RUNX2: variants seen among roughly 807,000 people sequenced by gnomAD.
RUNX2 encodes RUNX family transcription factor 2, also known as runt-related transcription factor 2.
In RUNX2, 10 loss-of-function variants were observed where a neutral mutation model predicts 51.7. The observed-to-expected ratio is 0.19, with a 90% CI of 0.12 to 0.33. The LOEUF (loss-of-function observed/expected upper bound fraction) is 0.33, where lower values mean the gene tolerates loss of function less well. Ranked by LOEUF, RUNX2 falls within the 10% of genes least tolerant of loss-of-function variation. The pLI is 1.00. For missense variants in RUNX2, 562 were observed against 691.3 expected (o/e 0.81, Z 2.10); for synonymous variants, 276 against 273.6 (o/e 1.01, Z -0.09).
At chr6:45,524,439 G>T (rs957507890) in intron 7 of RUNX2, among the ~76,000 whole-genome samples, 1 of 152,072 alleles carries the variant, frequency 6.6e-6, no homozygotes, top group Admixed American at 6.5e-5. Flanking sequence ...CTGTGCTTTT[G>T]TATCTAAAGC....
intron 2 of RUNX2, among the ~76,000 whole-genome samples, chr6:45,392,410 T>A (rs1301276676): frequency 6.6e-6 from 1 of 152,092 alleles, no homozygotes; most frequent in Non-Finnish European, 1.5e-5. Flanking sequence ...CTTGGGAAGC[T>A]GAGGCAGGAG....
At chr6:45,401,184 C>A (rs1797707892) in intron 2 of RUNX2, among the ~76,000 whole-genome samples, 1 of 152,144 alleles carries the variant, frequency 6.6e-6, no homozygotes, top group Admixed American at 6.6e-5. Flanking sequence ...GTGGGTAAAC[C>A]CTGCCAAAAT....
chr6:45,523,143 G>A (rs1032212187), intron 7 of RUNX2, among the ~76,000 whole-genome samples: 11 of 152,066 alleles, frequency 7.2e-5, no homozygotes, highest in Admixed American at 5.2e-4. Context: ...AGGAAAAATA[G>A]GATCACTGAC....
At chr6:45,455,161 G>A (rs1799286084) in intron 5 of RUNX2, among the ~76,000 whole-genome samples, 1 of 152,296 alleles carries the variant, frequency 6.6e-6, no homozygotes, top group Admixed American at 6.5e-5. Flanking sequence ...CCACATAAAT[G>A]TGGCCAGGCT....
chr6:45,436,365 T>C (rs73441953), intron 4 of RUNX2, among the ~76,000 whole-genome samples: 7,815 of 152,272 alleles, frequency 0.051, 225 homozygotes, highest in Admixed American at 0.085. Context: ...TTTTCATTTA[T>C]TAGTTGTATG....
chr6:45,396,795 A>G (rs1384394344), intron 2 of RUNX2, among the ~76,000 whole-genome samples: 2 of 152,198 alleles, frequency 1.3e-5, no homozygotes, highest in Admixed American at 1.3e-4. Flanking sequence ...CACTTACCAC[A>G]GTGTTTTCAA....
At chr6:45,546,061 C>G (rs760647030) in intron 8 of RUNX2, among the ~76,000 whole-genome samples, 17 of 152,272 alleles carry the variant, frequency 1.1e-4, no homozygotes, top group Middle Eastern at 3.4e-3. Flanking sequence ...GAGCCTCTCG[C>G]AAAAGCTACT....
At chr6:45,473,251 G>C (rs914256633) in intron 5 of RUNX2, among the ~76,000 whole-genome samples, 18 of 149,680 alleles carry the variant, frequency 1.2e-4, no homozygotes, top group Admixed American at 1.1e-3. Flanking sequence ...ACACCCCCCA[G>C]CTCCACCCTC....
chr6:45,509,887 G>A (rs763517464), intron 6 of RUNX2, among the ~76,000 whole-genome samples: 2 of 152,176 alleles, frequency 1.3e-5, no homozygotes, highest in African/African-American at 2.4e-5. Flanking sequence ...GCTTGCTCAG[G>A]AAGTCATCTG....
chr6:45,385,829 G>A (rs1797335601), intron 2 of RUNX2, among the ~76,000 whole-genome samples: 1 of 152,154 alleles, frequency 6.6e-6, no homozygotes, highest in African/African-American at 2.4e-5. Flanking sequence ...GAAGCTGGGA[G>A]GTGGAGGTTG....
chr6:45,446,473 G>C (rs1036867701), intron 5 of RUNX2, among the ~76,000 whole-genome samples: 1 of 151,018 alleles, frequency 6.6e-6, no homozygotes, highest in African/African-American at 2.4e-5. Context: ...AGAGAAAGAG[G>C]TTCCCCTCCC....
At position 45,547,130 on chromosome 6, in the gene RUNX2, G is replaced by T. The variant is rs148639759; in HGVS notation, c.1391G>T (p.Arg464Leu). The change falls in exon 9 of 9, where the codon CGG becomes CTG. Residue 464 changes from arginine (R) to leucine (L), a missense_variant. By Grantham distance (102) the Arg-to-Leu change is moderately radical. Around this residue, in one of 5 missense-constraint regions of RUNX2, gnomAD observed 304 missense variants for 353.2 expected, o/e 0.86. Coordinates refer to ENST00000647337, the MANE Select transcript of RUNX2 (RefSeq NM_001024630.4). ...TTTCCCATGGTGCCGGGGGGAGACC[G>T]GTCTCCTTCCAGAATGCTTCCGCCA... ...YQFPMVPGGD[R>L]SPSRMLPPCT... is the part of the protein sequence containing the mutation. 1.2e-5 allele frequency: 19 copies of T among 1,613,844 alleles called. No homozygotes were observed. The highest frequency in any genetic ancestry group is 1.4e-5 in the Non-Finnish European group (17 of 1,180,002).
intron 6 of RUNX2, among the ~76,000 whole-genome samples, chr6:45,506,032 GC>G (rs1465878750): frequency 6.6e-6 from 1 of 152,104 alleles, no homozygotes; most frequent in Non-Finnish European, 1.5e-5. Flanking sequence ...ACTCTTAATA[GC>G]TAGATTTGGT....
chr6:45,520,089 C>T (rs1563121786), intron 7 of RUNX2, among the ~76,000 whole-genome samples: 1 of 152,028 alleles, frequency 6.6e-6, no homozygotes, highest in Non-Finnish European at 1.5e-5. Flanking sequence ...GCCTTGGCCT[C>T]CCAAAGTGCT....
At chr6:45,473,051 C>T (rs1799851155) in intron 5 of RUNX2, among the ~76,000 whole-genome samples, 1 of 152,138 alleles carries the variant, frequency 6.6e-6, no homozygotes, top group African/African-American at 2.4e-5. Flanking sequence ...AGGGAATATT[C>T]TTAGGCTTAA....
chr6:45,522,584 T>C (rs1172731154), intron 7 of RUNX2, among the ~76,000 whole-genome samples: 1 of 152,224 alleles, frequency 6.6e-6, no homozygotes, highest in Admixed American at 6.5e-5. Context: ...GAGGATCTTG[T>C]CTTTTCCCAG....
intron 2 of RUNX2, among the ~76,000 whole-genome samples, chr6:45,337,000 T>C (rs772565016): frequency 6.6e-6 from 1 of 151,686 alleles, no homozygotes; most frequent in Non-Finnish European, 1.5e-5. Flanking sequence ...AAAACTTACA[T>C]ACTTAAAACT....
At chr6:45,372,612 A>C (rs1413927123) in intron 2 of RUNX2, among the ~76,000 whole-genome samples, 1 of 152,186 alleles carries the variant, frequency 6.6e-6, no homozygotes, top group Non-Finnish European at 1.5e-5. Flanking sequence ...TGTCCTGTGA[A>C]TTCAACAGCA....
chr6:45,335,408 C>T (rs928785554), intron 2 of RUNX2, among the ~76,000 whole-genome samples: 1 of 151,198 alleles, frequency 6.6e-6, no homozygotes, highest in Non-Finnish European at 1.5e-5. Flanking sequence ...ATCACTATAA[C>T]GATCCTAGAA....
Sources: allele counts gnomAD v4.1 joint callset (sites outside exome capture counted in the v4.1 genomes callset), GRCh38; gene constraint gnomAD v4.1.1; regional missense constraint gnomAD v4.1.1; transcripts MANE v1.5; gene names NCBI Gene and HGNC (gene_info 2026-07-23, HGNC 2026-07-21).